The following LRRC7 variants were observed in gnomAD, a reference collection of about 807,000 sequenced individuals.
The protein encoded by LRRC7 is leucine rich repeat containing 7, also known as leucine-rich repeat-containing protein 7.
Under a neutral mutation model 175.7 loss-of-function variants are expected in LRRC7, and 23 were observed. That is an observed-to-expected ratio of 0.13 (90% confidence interval 0.09 to 0.19). LRRC7 has a LOEUF of 0.19. Ranked by LOEUF, LRRC7 falls within the 10% of genes least tolerant of loss-of-function variation. LRRC7 has a pLI of 1.00. For synonymous variants in LRRC7, 685 were observed against 680.9 expected (o/e 1.01, Z -0.09); for missense variants, 1,354 against 1,904.7 (o/e 0.71, Z 5.38).
chr1:69,988,557 C>T (rs12034677), intron 10 of LRRC7, among the ~76,000 whole-genome samples: 76,305 of 151,992 alleles, frequency 0.5, 20,293 homozygotes, highest in East Asian at 0.67. Flanking sequence ...CAGTTCTTAC[C>T]GTGAAATAAG....
In LRRC7 at chr1:70,038,417, A is replaced by G. The variant is rs1230312980; in HGVS notation, c.2593A>G (p.Thr865Ala). The G allele has an allele frequency of 5.6e-6, 9 of 1,614,026 alleles. No homozygotes were observed. Among genetic ancestry groups the G allele is most frequent in the Non-Finnish European group, 7.6e-6 (9 of 1,180,022 alleles). ...TGTTCCCCTGGAACTCGAGCAGTCTACACACAGACACACACCAGAAACAGA... is the reference window on the plus strand; with the variant it reads ...TGTTCCCCTGGAACTCGAGCAGTCTGCACACAGACACACACCAGAAACAGA... ...VGVPLELEQS[T>A]HRHTPETEVP... The change falls in exon 21 of 27, where the codon ACA becomes GCA. Residue 865 changes from threonine (T) to alanine (A), a missense_variant. Physicochemically the swap from Thr to Ala is moderately conservative, Grantham distance 58. Around this residue, in one of 4 missense-constraint regions of LRRC7, gnomAD observed 1,032 missense variants for 1,227.2 expected, o/e 0.84. Coordinates refer to ENST00000651989, the MANE Select transcript of LRRC7 (RefSeq NM_001370785.2).
chr1:69,943,908 A>C (rs1649003629), intron 8 of LRRC7, among the ~76,000 whole-genome samples: 2 of 151,592 alleles, frequency 1.3e-5, no homozygotes, highest in Non-Finnish European at 2.9e-5. Context: ...ACAATAAAAA[A>C]TGAAAGTTTT....
chr1:69,826,814 A>G (rs1381315804), intron 5 of LRRC7, among the ~76,000 whole-genome samples: 3 of 152,230 alleles, frequency 2.0e-5, no homozygotes, highest in Non-Finnish European at 4.4e-5. Flanking sequence ...TAAATTTGTC[A>G]AAGGGAAGTT....
intron 26 of LRRC7, among the ~76,000 whole-genome samples, chr1:70,120,625 A>C (rs762067867): frequency 6.6e-6 from 1 of 152,132 alleles, no homozygotes; most frequent in African/African-American, 2.4e-5. Flanking sequence ...AATATTAATC[A>C]TATTTTAAGA....
intron 7 of LRRC7, among the ~76,000 whole-genome samples, chr1:69,910,987 A>G (rs1646508900): frequency 6.6e-6 from 1 of 152,216 alleles, no homozygotes; most frequent in Non-Finnish European, 1.5e-5. Flanking sequence ...CCGTGGGCAT[A>G]GGACCCTCCG....
At chr1:70,055,802 C>T (rs1013765424) in intron 23 of LRRC7, among the ~76,000 whole-genome samples, 2 of 152,176 alleles carry the variant, frequency 1.3e-5, no homozygotes, top group Admixed American at 6.5e-5. Context: ...GTCCCTCCTT[C>T]AACACTTGGG....
intron 5 of LRRC7, among the ~76,000 whole-genome samples, chr1:69,832,637 G>T (rs894892260): frequency 2.6e-5 from 4 of 152,150 alleles, no homozygotes; most frequent in African/African-American, 9.6e-5. Flanking sequence ...ATGGAAAAAT[G>T]GTGGAACTAT....
intron 1 of LRRC7, among the ~76,000 whole-genome samples, chr1:69,648,005 G>C (rs980602474): frequency 6.6e-6 from 1 of 151,950 alleles, no homozygotes; most frequent in Non-Finnish European, 1.5e-5. Context: ...GTTTTCAAAA[G>C]TTTATCTAGT....
chr1:69,912,501 G>C (rs1196144592), intron 7 of LRRC7, among the ~76,000 whole-genome samples: 4 of 152,124 alleles, frequency 2.6e-5, no homozygotes, highest in Non-Finnish European at 5.9e-5. Flanking sequence ...CTTTTGATTG[G>C]ACTGCTGCTT....
At chr1:69,881,682 G>C (rs183408672) in intron 7 of LRRC7, among the ~76,000 whole-genome samples, 1 of 151,312 alleles carries the variant, frequency 6.6e-6, no homozygotes, top group Non-Finnish European at 1.5e-5. Context: ...TTCAAGACTA[G>C]TCTGGGCAAC....
intron 5 of LRRC7, among the ~76,000 whole-genome samples, chr1:69,834,490 G>A (rs373487097): frequency 2.6e-5 from 4 of 152,094 alleles, no homozygotes; most frequent in South Asian, 2.1e-4. Context: ...CCTGGCTAGC[G>A]TGCATAAGGT....
intron 2 of LRRC7, among the ~76,000 whole-genome samples, chr1:69,725,594 G>A (rs549880411): frequency 3.5e-4 from 54 of 152,286 alleles, no homozygotes; most frequent in Middle Eastern, 3.4e-3. Flanking sequence ...GTATAGGTAC[G>A]AAATGCCAAC....
At chr1:70,038,062 AAGACCCAACTCTTCG>A (rs1310722029) in intron 20 of LRRC7, 36 bp from the exon 21 acceptor site, 1 of 1,534,452 alleles carries the variant, frequency 6.5e-7, no homozygotes, top group Non-Finnish European at 8.8e-7. Flanking sequence ...CTTTCTGCCA[AAGACCCAACTCTTCG>A]TCCTTTTCAA....
rs1659697153 is a variant in LRRC7, at chr1:70,039,729, G to T, written c.3905G>T (p.Gly1302Val). ...CCTGTGAAGGGAGAGGAGAGCTGTG[G>T]TAAAATGCCTGCAGACTGGAGACAA... ...PTPVKGEESC[G>V]KMPADWRQQL... The change falls in exon 21 of 27, where the codon GGT (glycine) becomes GTT (valine). Residue 1302 changes from glycine (G) to valine (V), a missense_variant. Gly to Val is a moderately radical substitution (Grantham distance 109). This residue lies in a region of LRRC7 where 1,032 missense variants were observed against 1,227.2 expected (regional missense o/e 0.84). Coordinates refer to ENST00000651989, the MANE Select transcript of LRRC7 (RefSeq NM_001370785.2). The T allele has an allele frequency of 6.2e-7, 1 of 1,613,590 alleles. No homozygotes were observed. The highest frequency in any genetic ancestry group is 8.5e-7 in the Non-Finnish European group (1 of 1,179,844).
chr1:69,723,912 C>T (rs1275823471), intron 2 of LRRC7, among the ~76,000 whole-genome samples: 1 of 152,108 alleles, frequency 6.6e-6, no homozygotes, highest in African/African-American at 2.4e-5. Context: ...CTCCCAAAGG[C>T]CCCTTCTCCT....
intron 24 of LRRC7, among the ~76,000 whole-genome samples, chr1:70,077,795 T>C (rs1022753576): frequency 2.6e-5 from 4 of 152,172 alleles, no homozygotes; most frequent in Admixed American, 2.6e-4. Flanking sequence ...GTTTAGAACA[T>C]TATGATTATT....
At chr1:69,626,461 C>G (rs992529219) in intron 1 of LRRC7, among the ~76,000 whole-genome samples, 2 of 151,472 alleles carry the variant, frequency 1.3e-5, no homozygotes, top group African/African-American at 4.8e-5. Context: ...ACATTCATCA[C>G]CATTAATGAA....
intron 15 of LRRC7, 74 bp downstream of exon 15, chr1:70,018,892 C>T: frequency 8.6e-7 from 1 of 1,158,744 alleles, no homozygotes; most frequent in Non-Finnish European, 1.3e-6. Context: ...ATTCAGATCT[C>T]TGGCCAGGAG....
At chr1:69,910,983 G>A (rs1339342385) in intron 7 of LRRC7, among the ~76,000 whole-genome samples, 1 of 152,162 alleles carries the variant, frequency 6.6e-6, no homozygotes. Flanking sequence ...GACTCCGTGG[G>A]CATAGGACCC....
Sources: allele counts gnomAD v4.1 joint callset (sites outside exome capture counted in the v4.1 genomes callset), GRCh38; gene constraint gnomAD v4.1.1; regional missense constraint gnomAD v4.1.1; transcripts MANE v1.5; gene names NCBI Gene and HGNC (gene_info 2026-07-23, HGNC 2026-07-21).